MGAT4D: variants seen among roughly 807,000 people sequenced by gnomAD.
MGAT4D encodes MGAT4 family member D.
In MGAT4D, 34 loss-of-function variants were observed where a neutral mutation model predicts 15.9. The observed-to-expected ratio is 2.14, with a 90% CI of 1.62 to 2.84. The LOEUF is 2.84. MGAT4D is among the 30% of genes most tolerant of loss of function. MGAT4D has a pLI of 0.00. For missense variants in MGAT4D, 327 were observed against 140.2 expected (o/e 2.33, Z -6.73); for synonymous variants, 112 against 48.2 (o/e 2.33, Z -5.49).
intron 9 of MGAT4D, among the ~76,000 whole-genome samples, 157 bp from the exon 10 acceptor site, chr4:140,451,674 T>A (rs1480491723): frequency 1.3e-5 from 2 of 152,118 alleles, no homozygotes; most frequent in Admixed American, 6.6e-5. Flanking sequence ...TTTTTCTTCA[T>A]AAGAATAGAG....
chr4:140,443,590 A>C (rs950424506), intron 10 of MGAT4D, 146 bp from the exon 11 acceptor site: 1 of 312,392 alleles, frequency 3.2e-6, no homozygotes, highest in African/African-American at 2.2e-5. Context: ...AGAGAAGGTA[A>C]CTTTATATTG....
At chr4:140,477,158 C>T (rs1339375764) in intron 3 of MGAT4D, among the ~76,000 whole-genome samples, 2 of 152,126 alleles carry the variant, frequency 1.3e-5, no homozygotes, top group Non-Finnish European at 2.9e-5. Flanking sequence ...ATCTGGATGA[C>T]CACCCTCTAC....
chr4:140,471,526 T>C (rs1731959657), intron 5 of MGAT4D, among the ~76,000 whole-genome samples: 1 of 152,108 alleles, frequency 6.6e-6, no homozygotes, highest in South Asian at 2.1e-4. Flanking sequence ...TCGGTACCAA[T>C]GGTTATCATG....
At chr4:140,481,980 G>A (rs1732761598) in intron 2 of MGAT4D, among the ~76,000 whole-genome samples, 1 of 152,168 alleles carries the variant, frequency 6.6e-6, no homozygotes, top group Non-Finnish European at 1.5e-5. Context: ...ACAAATTTTT[G>A]AGATATATAG....
At chr4:140,446,883 C>T (rs1423264745) in intron 10 of MGAT4D, among the ~76,000 whole-genome samples, 1 of 149,364 alleles carries the variant, frequency 6.7e-6, no homozygotes, top group Non-Finnish European at 1.5e-5. Context: ...AGCTGTGTCC[C>T]AGAAATTCTG....
chr4:140,463,447 C>T (rs1459596140), intron 6 of MGAT4D, among the ~76,000 whole-genome samples: 1 of 151,956 alleles, frequency 6.6e-6, no homozygotes, highest in African/African-American at 2.4e-5. Context: ...CATGAGAGCC[C>T]TGCTTGCTTT....
intron 5 of MGAT4D, among the ~76,000 whole-genome samples, chr4:140,470,627 T>C (rs1303286942): frequency 6.6e-6 from 1 of 152,178 alleles, no homozygotes; most frequent in African/African-American, 2.4e-5. Flanking sequence ...TAGACTTACA[T>C]GTTCAAAAGT....
At chr4:140,498,053 C>A in intron 1 of MGAT4D, 76 bp downstream of exon 1, 1 of 660,868 alleles carries the variant, frequency 1.5e-6, no homozygotes, top group South Asian at 1.6e-5. Flanking sequence ...ACCCGCCGAC[C>A]CTGCCCCGCC....
intron 4 of MGAT4D, among the ~76,000 whole-genome samples, chr4:140,472,590 T>C (rs1443418625): frequency 2.6e-5 from 4 of 152,336 alleles, no homozygotes; most frequent in Admixed American, 1.3e-4. Flanking sequence ...AAATCTCTTA[T>C]AGTACTGGAG....
intron 2 of MGAT4D, among the ~76,000 whole-genome samples, chr4:140,480,258 G>A (rs921386840): frequency 2.6e-5 from 4 of 152,034 alleles, no homozygotes; most frequent in Admixed American, 2.6e-4. Context: ...AGTTGATAAA[G>A]GTGTTTGAAC....
chr4:140,484,434 G>C (rs1732955833), intron 1 of MGAT4D, among the ~76,000 whole-genome samples: 1 of 152,108 alleles, frequency 6.6e-6, no homozygotes, highest in Non-Finnish European at 1.5e-5. Context: ...ATATAAATTA[G>C]TGTAGCCATT....
intron 10 of MGAT4D, among the ~76,000 whole-genome samples, chr4:140,444,703 G>A (rs1478928395): frequency 2.0e-5 from 3 of 152,276 alleles, no homozygotes; most frequent in South Asian, 4.1e-4. Flanking sequence ...ATGGTAGAAC[G>A]ATTTGTATTC....
At chr4:140,492,241 G>A (rs899719685) in intron 1 of MGAT4D, among the ~76,000 whole-genome samples, 14 of 152,104 alleles carry the variant, frequency 9.2e-5, no homozygotes, top group African/African-American at 2.4e-4. Context: ...CCACTGTGTC[G>A]GGAGAGGAGA....
intron 2 of MGAT4D, among the ~76,000 whole-genome samples, chr4:140,480,097 A>T (rs1225430474): frequency 6.6e-6 from 1 of 152,174 alleles, no homozygotes; most frequent in Non-Finnish European, 1.5e-5. Context: ...TTAATTCATA[A>T]TACATAGCAA....
rs553684034 is a variant in MGAT4D at position 140,446,177 on chromosome 4, C to T, written c.1117-2733G>A. Among the ~76,000 whole-genome samples, 7 of 152,196 alleles carry T rather than the reference C, an allele frequency of 4.6e-5. No homozygotes were observed. The South Asian group carries it at 1.2e-3, about 27-fold the overall frequency. On this transcript the variant is annotated intron_variant, in intron 10 of 10. Coordinates refer to ENST00000511113, the MANE Select transcript of MGAT4D (RefSeq NM_001277353.2). ...GGTTTTGGTATCAGGATGATGCTAGCCTCACAGAATGACTTAGGGAGGAGT... is the reference window on the plus strand; with the variant it reads ...GGTTTTGGTATCAGGATGATGCTAGTCTCACAGAATGACTTAGGGAGGAGT...
At chr4:140,487,130 AT>A (rs2126854418) in intron 1 of MGAT4D, among the ~76,000 whole-genome samples, 1 of 152,296 alleles carries the variant, frequency 6.6e-6, no homozygotes, top group African/African-American at 2.4e-5. Flanking sequence ...CTTCTTGTAC[AT>A]TTTTCCCTGG....
intron 10 of MGAT4D, among the ~76,000 whole-genome samples, chr4:140,448,443 G>A (rs1327549249): frequency 1.3e-5 from 2 of 151,940 alleles, no homozygotes; most frequent in Admixed American, 6.6e-5. Context: ...TATTTCAGGA[G>A]GCCAGTCTTC....
chr4:140,443,457 CA>C lies in MGAT4D; in HGVS notation c.1117-14del. 3.7e-6 allele frequency: 2 copies of C among 536,894 alleles called. No individual in the cohort carries two copies. Among genetic ancestry groups the C allele is most frequent in the East Asian group, 3.5e-5 (1 of 28,490 alleles). 33.3% of individuals were successfully genotyped at this position (536,894 alleles called of 1,614,324 possible). On this transcript the variant is annotated splice_polypyrimidine_tract_variant and intron_variant, in intron 10 of 10. Coordinates refer to ENST00000511113, the MANE Select transcript of MGAT4D (RefSeq NM_001277353.2). ...ATCTTCATATTTTCTGAAATGAAAACAAAAAATGTAACATCTAGAAATAATA... is the reference window on the plus strand; with the variant it reads ...ATCTTCATATTTTCTGAAATGAAAACAAAAATGTAACATCTAGAAATAATA...
intron 1 of MGAT4D, among the ~76,000 whole-genome samples, chr4:140,493,245 C>G (rs903454071): frequency 2.6e-5 from 4 of 151,136 alleles, no homozygotes; most frequent in Non-Finnish European, 5.9e-5. Flanking sequence ...CATGATGATA[C>G]TACGGTACTC....
Sources: gnomAD v4.1 joint callset for allele counts (sites outside exome capture counted in the v4.1 genomes callset) on GRCh38, gnomAD v4.1.1 for gene constraint, MANE v1.5 for transcripts, NCBI Gene and HGNC (gene_info 2026-07-23, HGNC 2026-07-21) for gene names.